CHRM3: variants seen among roughly 807,000 people sequenced by gnomAD.
CHRM3 encodes muscarinic acetylcholine receptor M3.
Under a neutral mutation model 41.8 loss-of-function variants are expected in CHRM3, and 11 were observed. That is an observed-to-expected ratio of 0.26 (90% CI 0.17 to 0.44). The LOEUF (loss-of-function observed/expected upper bound fraction) is 0.44. Ranked by LOEUF, CHRM3 falls within the 20% of genes least tolerant of loss-of-function variation. CHRM3 has a pLI of 1.00. For missense variants in CHRM3, 571 were observed against 745.4 expected (o/e 0.77, Z 2.72); for synonymous variants, 297 against 301.4 (o/e 0.99, Z 0.15).
At chr1:239,567,391 C>T (rs905776679) in intron 3 of CHRM3, among the ~76,000 whole-genome samples, 1 of 151,838 alleles carries the variant, frequency 6.6e-6, no homozygotes, top group East Asian at 1.9e-4. Context: ...TTGATAACAT[C>T]CTATGTGATG....
At position 239,646,732 on chromosome 1, in the gene CHRM3, A is replaced by ATTTC. The variant is rs1671773537; in HGVS notation, c.-250+14446_-250+14447insTTTC. On this transcript the variant is annotated intron_variant, in intron 4 of 6. Transcript: ENST00000676153. ...GTGTGTGGGTTATGAGGATGAGGAA[A>ATTTC]GGCAGACAAGGCCAGAATGAGAATG... Among the ~76,000 whole-genome samples the ATTTC allele has an allele frequency of 2.0e-5, 3 of 152,278 alleles. No individual in the cohort carries two copies. The East Asian group carries it at 5.8e-4, about 29-fold the overall frequency.
chr1:239,806,006 A>C (rs889882479), intron 5 of CHRM3, among the ~76,000 whole-genome samples: 5 of 152,130 alleles, frequency 3.3e-5, no homozygotes, highest in Admixed American at 6.5e-5. Flanking sequence ...TTGATTCTGC[A>C]TTTTGAAAGC....
intron 5 of CHRM3, among the ~76,000 whole-genome samples, chr1:239,779,221 A>G (rs1668329986): frequency 6.6e-6 from 1 of 152,162 alleles, no homozygotes; most frequent in Admixed American, 6.5e-5. Flanking sequence ...GAGAATTCCC[A>G]TACACCCCCT....
intron 6 of CHRM3, among the ~76,000 whole-genome samples, chr1:239,903,412 A>T (rs1382432381): frequency 6.6e-6 from 1 of 152,172 alleles, no homozygotes; most frequent in Non-Finnish European, 1.5e-5. Flanking sequence ...CCTGGGGGTG[A>T]GTTTATGAAA....
chr1:239,778,029 GGATGCACTAAAATCT>G (rs1397053597), intron 5 of CHRM3, among the ~76,000 whole-genome samples: 1 of 152,010 alleles, frequency 6.6e-6, no homozygotes, highest in East Asian at 1.9e-4. Flanking sequence ...CTTGGGTGAA[GGATGCACTAAAATCT>G]CAGAAATCAC....
intron 6 of CHRM3, among the ~76,000 whole-genome samples, chr1:239,851,710 G>A (rs1041274165): frequency 3.9e-5 from 6 of 152,162 alleles, no homozygotes; most frequent in African/African-American, 1.4e-4. Context: ...CTCAGCAGTG[G>A]CCTAGAACTT....
At chr1:239,799,688 A>G (rs1189786976) in intron 5 of CHRM3, among the ~76,000 whole-genome samples, 1 of 152,194 alleles carries the variant, frequency 6.6e-6, no homozygotes, top group African/African-American at 2.4e-5. Flanking sequence ...TTTTCATAAC[A>G]GTGCAGATTC....
chr1:239,907,287 A>G lies in CHRM3; in HGVS notation c.-19-146A>G, dbSNP rs557054098. ...TCTGCCCTAGACTCCACTTATTTAA[A>G]ATAAGAGAATGAACTTGATGTTTGG... On this transcript the variant is annotated intron_variant, in intron 6 of 6. Transcript: ENST00000676153. The surrounding 1 kb of genome is among the most constrained non-coding windows in gnomAD (Gnocchi z 5.4). 18 of 617,680 alleles carry G rather than the reference A, an allele frequency of 2.9e-5. No individual in the cohort carries two copies. The highest frequency in any genetic ancestry group is 2.1e-4 in the South Asian group (10 of 48,608). The allele number at this position is 617,680 out of a possible 1,614,324, so 38.3% of individuals were successfully genotyped here. A position where few individuals can be genotyped will look rare whatever the true frequency, so the allele number is the denominator to read the frequency against.
chr1:239,528,612 G>A (rs992361008), intron 2 of CHRM3, among the ~76,000 whole-genome samples: 3 of 152,228 alleles, frequency 2.0e-5, no homozygotes, highest in African/African-American at 7.2e-5. Context: ...ATTTGGGCAG[G>A]CTGGGCTCAG....
intron 6 of CHRM3, among the ~76,000 whole-genome samples, chr1:239,892,303 T>C: frequency 6.6e-6 from 1 of 152,246 alleles, no homozygotes; most frequent in Non-Finnish European, 1.5e-5. Context: ...ATTATTATTT[T>C]ATTTTGATTC....
At chr1:239,433,758 T>G (rs1663015316) in intron 1 of CHRM3, among the ~76,000 whole-genome samples, 1 of 152,202 alleles carries the variant, frequency 6.6e-6, no homozygotes, top group Non-Finnish European at 1.5e-5. Context: ...TAGTCTCCAG[T>G]TCCGTTCAGG....
intron 3 of CHRM3, among the ~76,000 whole-genome samples, chr1:239,630,298 G>T (rs941528540): frequency 2.6e-5 from 4 of 152,080 alleles, no homozygotes; most frequent in Admixed American, 6.6e-5. Context: ...GCAATGTTGG[G>T]ACTCCTAATT....
intron 6 of CHRM3, among the ~76,000 whole-genome samples, chr1:239,856,732 G>A (rs779526164): frequency 9.2e-5 from 14 of 152,116 alleles, no homozygotes; most frequent in Non-Finnish European, 1.8e-4. Flanking sequence ...CACAATGTCT[G>A]ACACGTAAAT....
chr1:239,448,668 T>G (rs547647694), intron 1 of CHRM3, among the ~76,000 whole-genome samples: 1 of 152,270 alleles, frequency 6.6e-6, no homozygotes, highest in Admixed American at 6.5e-5. Context: ...TAATAACAGA[T>G]TTCTCTCCTC....
At chr1:239,531,835 A>G (rs967939929) in intron 2 of CHRM3, among the ~76,000 whole-genome samples, 6 of 147,844 alleles carry the variant, frequency 4.1e-5, no homozygotes, top group Non-Finnish European at 7.4e-5. Flanking sequence ...AATTTTTTGT[A>G]TTTTTAATAG....
intron 5 of CHRM3, among the ~76,000 whole-genome samples, chr1:239,683,608 T>C (rs1327147162): frequency 6.6e-6 from 1 of 152,204 alleles, no homozygotes; most frequent in Non-Finnish European, 1.5e-5. Context: ...AGGCCTCTTA[T>C]CTTTAACAAC....
Position 239,909,455 on chromosome 1 carries a change from T to A in CHRM3, c.*231T>A. 2.2e-6 allele frequency: 1 copy of A among 445,800 alleles called. No homozygotes were observed. The highest frequency in any genetic ancestry group is 4.1e-6 in the Non-Finnish European group (1 of 245,900). 27.6% of individuals were successfully genotyped at this position (445,800 alleles called of 1,614,324 possible). ...AACATACTACTGAATATAAAGAAAT[T>A]TATTCTGAAATAGACTTTACGTGTT... On this transcript the variant is annotated 3_prime_UTR_variant, in exon 7 of 7. Coordinates refer to ENST00000676153, the MANE Select transcript of CHRM3 (RefSeq NM_001375978.1).
intron 6 of CHRM3, among the ~76,000 whole-genome samples, chr1:239,872,667 T>C (rs879704825): frequency 4.6e-5 from 7 of 152,186 alleles, no homozygotes; most frequent in Non-Finnish European, 8.8e-5. Context: ...ATTATACTTA[T>C]GAAAATGTCC....
chr1:239,652,679 A>G (rs1286106006), intron 4 of CHRM3, among the ~76,000 whole-genome samples: 2 of 151,890 alleles, frequency 1.3e-5, no homozygotes, highest in African/African-American at 4.8e-5. Context: ...GGACTTGCAA[A>G]TAGGTGTAAT....
Sources: gnomAD v4.1 joint callset for allele counts (sites outside exome capture counted in the v4.1 genomes callset) on GRCh38, gnomAD v4.1.1 for gene constraint, Gnocchi (gnomAD v3.1) non-coding constraint, MANE v1.5 for transcripts, NCBI Gene and HGNC (gene_info 2026-07-23, HGNC 2026-07-21) for gene names.